Variants in KDM6B observed in about 807,000 individuals in gnomAD.
KDM6B encodes lysine demethylase 6B.
Under a neutral mutation model 150.4 loss-of-function variants are expected in KDM6B, and 22 were observed. The ratio of observed to expected loss-of-function variants is 0.15; its 90% CI spans 0.10 to 0.21. The LOEUF (loss-of-function observed/expected upper bound fraction) is 0.21, where lower values mean the gene tolerates loss of function less well. KDM6B is among the 10% of genes least tolerant of loss of function. The probability of loss-of-function intolerance (pLI) is 1.00; values close to 1 mark genes in which losing one functional copy is unlikely to be tolerated. For synonymous variants in KDM6B, 1,148 were observed against 921.1 expected (o/e 1.25, Z -4.46); for missense variants, 1,984 against 2,234.3 (o/e 0.89, Z 2.26).
rs902003256 is a variant in KDM6B at position 7,854,744 on chromosome 17, T to C, written c.*1223T>C. On this transcript the variant is annotated 3_prime_UTR_variant, in exon 24 of 24. Coordinates refer to ENST00000448097, the MANE Select transcript of KDM6B (RefSeq NM_001348716.2). ...GGTCTTCCCAACCCTACCCCTATTTTCGGTGATTTTTGTGTGAGAATATTA... is the reference window on the plus strand; with the variant it reads ...GGTCTTCCCAACCCTACCCCTATTTCCGGTGATTTTTGTGTGAGAATATTA... The C allele has an allele frequency of 5.4e-5, 15 of 278,814 alleles. No individual in the cohort carries two copies. The highest frequency in any genetic ancestry group is 5.6e-5 in the Non-Finnish European group (8 of 143,930). The allele number at this position is 278,814 out of a possible 1,614,324, so 17.3% of individuals were successfully genotyped here. A position where few individuals can be genotyped will look rare whatever the true frequency, so the allele number is the denominator to read the frequency against.
Position 7,851,735 on chromosome 17 carries a change from C to T in KDM6B, c.4104C>T (p.His1368=). 6.4e-7 allele frequency: 1 copy of T among 1,557,900 alleles called. No individual in the cohort carries two copies. The highest frequency in any genetic ancestry group is 8.7e-7 in the Non-Finnish European group (1 of 1,151,644). The change falls in exon 18 of 24, where the codon CAC becomes CAT. Residue 1368 remains histidine, a synonymous_variant. Coordinates refer to ENST00000448097, the MANE Select transcript of KDM6B (RefSeq NM_001348716.2). Reference sequence around the variant, plus strand: ...GCAACATGCTGAGCCACGTGGGCCACACCATCCTGGGCATGAACACGGTGC... The same window carrying T: ...GCAACATGCTGAGCCACGTGGGCCATACCATCCTGGGCATGAACACGGTGC... ...STGNMLSHVG[H]TILGMNTVQL...
chr17:7,848,623 C>A lies in KDM6B; in HGVS notation c.2335C>A (p.Pro779Thr). 5 of 1,597,260 alleles carry A rather than the reference C, an allele frequency of 3.1e-6. No homozygotes were observed. The highest frequency in any genetic ancestry group is 4.3e-6 in the Non-Finnish European group (5 of 1,172,654). The change falls in exon 12 of 24, where the codon CCG becomes ACG. Residue 779 changes from proline (P) to threonine (T), a missense_variant. Coordinates refer to ENST00000448097, the MANE Select transcript of KDM6B (RefSeq NM_001348716.2). ...KKPPPALPPP[P>T]PLAKFPPPSQ... ...GCCACCACCAGCCCTACCACCACCACCGCCTCTAGCCAAGTTCCCTCCACC... is the reference window on the plus strand; with the variant it reads ...GCCACCACCAGCCCTACCACCACCAACGCCTCTAGCCAAGTTCCCTCCACC...
At position 7,848,006 on chromosome 17, in the gene KDM6B, C is replaced by G. The variant is rs553101718; in HGVS notation, c.1718C>G (p.Pro573Arg). The part of the protein sequence containing the change: ...SSPAGPVSFP[P>R]PPYLARSIDP... Reference sequence around the variant, plus strand: ...CCTGCTGGGCCTGTGTCCTTTCCCCCACCACCCTATCTGGCCAGAAGTATA... The same window carrying G: ...CCTGCTGGGCCTGTGTCCTTTCCCCGACCACCCTATCTGGCCAGAAGTATA... The change falls in exon 12 of 24, where the codon CCA (proline) becomes CGA (arginine). Residue 573 changes from proline to arginine, a missense_variant. Physicochemically the swap from Pro to Arg is moderately radical, Grantham distance 103. Around this residue, in one of 13 missense-constraint regions of KDM6B, gnomAD observed 1,379 missense variants for 1,275.6 expected, o/e 1.08. Transcript: ENST00000448097. The G allele has an allele frequency of 4.3e-6, 7 of 1,612,898 alleles. No individual in the cohort carries two copies. The South Asian group carries it at 7.7e-5, about 18-fold the overall frequency.
Position 7,848,744 on chromosome 17 carries a change from G to C in KDM6B, c.2456G>C (p.Arg819Pro). The C allele has an allele frequency of 6.2e-7, 1 of 1,612,756 alleles. No individual in the cohort carries two copies. The highest frequency in any genetic ancestry group is 8.5e-7 in the Non-Finnish European group (1 of 1,179,978). Residue 819 changes from arginine (R) to proline (P), a missense_variant, in exon 12 of 24, where the codon CGG (arginine) becomes CCG (proline). Transcript: ENST00000448097. The stretch of plus-strand genomic sequence containing the variant: ...CTGGAGGGACAAAAGTACTGTTATC[G>C]GGGGACTGGAGCAGCTGTTTCCACC... Reference protein sequence around the residue: ...SVLEGQKYCYRGTGAAVSTRP... With the variant: ...SVLEGQKYCYPGTGAAVSTRP...
intron 2 of KDM6B, chr17:7,840,686 T>C (rs1243407876): frequency 6.6e-6 from 1 of 152,262 alleles, no homozygotes; most frequent in Non-Finnish European, 1.5e-5. Flanking sequence ...GTTCTCTCTG[T>C]GTTGTTCTTC....
chr17:7,841,891 T>TCCGCCTCCCCCTCCCCC (rs1450977174), intron 2 of KDM6B, among the ~76,000 whole-genome samples: 2 of 152,026 alleles, frequency 1.3e-5, no homozygotes, highest in Admixed American at 6.5e-5. Context: ...GGCCCTCCCC[T>TCCGCCTCCCCCTCCCCC]CCGCCTCCCC....
Position 7,846,636 on chromosome 17 carries a change from C to G in KDM6B, c.607C>G (p.Pro203Ala), listed in dbSNP as rs60738318. 59,161 of 1,614,034 alleles carry G rather than the reference C, an allele frequency of 0.037. 2,865 individuals are homozygous for G. The highest frequency in any genetic ancestry group is 0.24 in the African/African-American group (17,647 of 74,966). The change falls in exon 9 of 24, where the codon CCC becomes GCC. Residue 203 changes from proline to alanine, a missense_variant. Coordinates refer to ENST00000448097, the MANE Select transcript of KDM6B (RefSeq NM_001348716.2). ...GGPPVKRAAEPPVVQPVPPAA... is the reference protein window; with the variant it reads ...GGPPVKRAAEAPVVQPVPPAA... ...TCCCCCGGTGAAGCGAGCTGCTGAA[C>G]CCCCAGTGGTGCAGCCTGTGCCTCC...
At position 7,848,112 on chromosome 17, in the gene KDM6B, A is replaced by T; in HGVS notation, c.1824A>T (p.Pro608=). The change falls in exon 12 of 24, where the codon CCA becomes CCT. Residue 608 remains proline (P), a synonymous_variant. Transcript: ENST00000448097. ...PLVPLTLALP[P]APPSSCHQNT... is the part of the protein sequence containing the mutation. ...TACCCCTGACTCTTGCCCTGCCTCC[A>T]GCCCCTCCTTCCTCCTGCCACCAAA... 1 of 1,608,872 alleles carries T rather than the reference A, an allele frequency of 6.2e-7. No homozygotes were observed. The highest frequency in any genetic ancestry group is 1.1e-5 in the South Asian group (1 of 90,920).
chr17:7,837,313 T>A (rs1323297615), intron 1 of KDM6B, among the ~76,000 whole-genome samples: 4 of 152,076 alleles, frequency 2.6e-5, no homozygotes, highest in African/African-American at 7.2e-5. Context: ...ACACACCAGC[T>A]TATCCCTGAA....
rs2151379868 is a variant in KDM6B at position 7,852,489 on chromosome 17, C to T, written c.4469-6C>T. 1 of 1,605,578 alleles carries T rather than the reference C, an allele frequency of 6.2e-7. No individual in the cohort carries two copies. The highest frequency in any genetic ancestry group is 1.1e-5 in the South Asian group (1 of 90,360). The stretch of plus-strand genomic sequence containing the variant: ...GAGTCCTGTTGTGATCGCCTTTGGC[C>T]CGCAGCCTATCAGTACCAGCTGGCC... On this transcript the variant is annotated splice_polypyrimidine_tract_variant and splice_region_variant and intron_variant, in intron 20 of 23. Transcript: ENST00000448097.
rs766887734 is a variant in KDM6B, at chr17:7,849,150, C to T, written c.2862C>T (p.Pro954=). 7 of 1,611,664 alleles carry T rather than the reference C, an allele frequency of 4.3e-6. No individual in the cohort carries two copies. In the East Asian group the frequency reaches 1.6e-4, roughly 36 times the overall value. ...PADSGTERLL[P]PAQAKEEAGG... is the part of the protein sequence containing the mutation. The stretch of plus-strand genomic sequence containing the variant: ...ACAGTGGGACTGAGCGACTGCTGCC[C>T]CCCGCACAGGCCAAGGAGGAGGCTG... The change falls in exon 12 of 24, where the codon CCC becomes CCT. Residue 954 remains proline, a synonymous_variant. Transcript: ENST00000448097.
In KDM6B at chr17:7,847,820, C is replaced by G. The variant is rs61031471; in HGVS notation, c.1532C>G (p.Pro511Arg). The G allele has an allele frequency of 2.6e-6, 4 of 1,539,914 alleles. No homozygotes were observed. In the South Asian group the frequency reaches 3.6e-5, roughly 14 times the overall value. The change falls in exon 12 of 24, where the codon CCC becomes CGC. Residue 511 changes from proline to arginine, a missense_variant. Pro to Arg is a moderately radical substitution (Grantham distance 103). Around this residue, in one of 13 missense-constraint regions of KDM6B, gnomAD observed 1,379 missense variants for 1,275.6 expected, o/e 1.08. Coordinates refer to ENST00000448097, the MANE Select transcript of KDM6B (RefSeq NM_001348716.2). ...LEELFFGTEG[P>R]PRPAPPPLPH... ...GAGCTCTTCTTTGGGACTGAGGGACCCCCCCGCCCTGCCCCACCACCCCTC... is the reference window on the plus strand; with the variant it reads ...GAGCTCTTCTTTGGGACTGAGGGACGCCCCCGCCCTGCCCCACCACCCCTC...
intron 21 of KDM6B, 146 bp from the exon 22 acceptor site, chr17:7,852,854 C>G: frequency 7.8e-7 from 1 of 1,289,694 alleles, no homozygotes; most frequent in African/African-American, 1.5e-5. Context: ...ATAACAGATG[C>G]CCAGGACAGA....
rs939961547 is a variant in KDM6B at position 7,852,886 on chromosome 17, CGGGGAGGCCCCTA to C, written c.4611-106_4611-94del. The C allele has an allele frequency of 1.1e-4, 155 of 1,434,562 alleles. No homozygotes were observed. The African/African-American group carries it at 1.2e-3, about 11-fold the overall frequency. The allele number at this position is 1,434,562 out of a possible 1,614,324, so 88.9% of individuals were successfully genotyped here. On this transcript the variant is annotated intron_variant, in intron 21 of 23. Transcript: ENST00000448097. ...CAGAGGATGTGACCTAGACATGAAG[CGGGGAGGCCCCTA>C]GGGGAGGGCCCTGGGGCTGCCCACC... is the stretch of plus-strand genomic sequence containing the variant.
Position 7,848,402 on chromosome 17 carries a change from C to G in KDM6B, c.2114C>G (p.Ser705Cys). 1 of 1,613,108 alleles carries G rather than the reference C, an allele frequency of 6.2e-7. No individual in the cohort carries two copies. The highest frequency in any genetic ancestry group is 8.5e-7 in the Non-Finnish European group (1 of 1,180,014). Residue 705 changes from serine to cysteine, a missense_variant, in exon 12 of 24, where the codon TCC (serine) becomes TGC (cysteine). Coordinates refer to ENST00000448097, the MANE Select transcript of KDM6B (RefSeq NM_001348716.2). Reference protein sequence around the residue: ...LANIMKMLDESIRKEEEQQQH... With the variant: ...LANIMKMLDECIRKEEEQQQH... Reference sequence around the variant, plus strand: ...AACATCATGAAGATGCTGGACGAATCCATTCGCAAGGAAGAGGAACAGCAA... The same window carrying G: ...AACATCATGAAGATGCTGGACGAATGCATTCGCAAGGAAGAGGAACAGCAA...
rs2078642692 is a variant in KDM6B, at chr17:7,849,360, G to A, written c.3072G>A (p.Gln1024=). ...GGGTGCTGGGGAACCTGGACCTGCA[G>A]AGCGAGGAGATCCAGGGTCGTGAGA... ...SRRVLGNLDL[Q]SEEIQGREKS... Residue 1024 remains glutamine (Q), a synonymous_variant, in exon 12 of 24, where the codon CAG becomes CAA. Transcript: ENST00000448097. 1.2e-6 allele frequency: 2 copies of A among 1,600,544 alleles called. No homozygotes were observed. Among genetic ancestry groups the A allele is most frequent in the Non-Finnish European group, 1.7e-6 (2 of 1,174,500 alleles).
At chr17:7,850,981 C>G (rs1040750840) in intron 14 of KDM6B, 40 bp from the exon 15 acceptor site, 1 of 1,299,502 alleles carries the variant, frequency 7.7e-7, no homozygotes. Context: ...TCCCTATCCT[C>G]TGCCTCTGCC....
At chr17:7,845,256 C>A (rs956266633) in intron 3 of KDM6B, 58 bp from the exon 4 acceptor site, 4 of 547,386 alleles carry the variant, frequency 7.3e-6, no homozygotes, top group Admixed American at 3.1e-5. Context: ...CCCATCCCAG[C>A]CCCTGGGCCT....
At position 7,848,738 on chromosome 17, in the gene KDM6B, G is replaced by A; in HGVS notation, c.2450G>A (p.Cys817Tyr). Residue 817 changes from cysteine (C) to tyrosine (Y), a missense_variant, in exon 12 of 24, where the codon TGT becomes TAT. Cys to Tyr is a radical substitution (Grantham distance 194). Transcript: ENST00000448097. ...TCCGTGCTGGAGGGACAAAAGTACT[G>A]TTATCGGGGGACTGGAGCAGCTGTT... ...LASVLEGQKY[C>Y]YRGTGAAVST... 6.2e-7 allele frequency: 1 copy of A among 1,612,924 alleles called. No homozygotes were observed. Among genetic ancestry groups the A allele is most frequent in the South Asian group, 1.1e-5 (1 of 91,084 alleles).
Sources: allele counts gnomAD v4.1 joint callset (sites outside exome capture counted in the v4.1 genomes callset), GRCh38; gene constraint gnomAD v4.1.1; regional missense constraint gnomAD v4.1.1; transcripts MANE v1.5; gene names NCBI Gene and HGNC (gene_info 2026-07-23, HGNC 2026-07-21).